The following RRP15 variants were observed in gnomAD, a reference collection of about 807,000 sequenced individuals.
RRP15 encodes ribosomal RNA processing 15 homolog, also known as RRP15-like protein.
Under a neutral mutation model 27.1 loss-of-function variants are expected in RRP15, and 18 were observed. The ratio of observed to expected loss-of-function variants is 0.66; its 90% CI spans 0.46 to 0.98. The LOEUF is 0.98. Ranked by LOEUF, RRP15 falls within the 50% of genes least tolerant of loss-of-function variation. The pLI is 0.00. For missense variants in RRP15, 359 were observed against 337.8 expected (o/e 1.06, Z -0.49); for synonymous variants, 107 against 109.4 (o/e 0.98, Z 0.14).
rs2102522018 is a variant in RRP15 at position 218,337,290 on chromosome 1, T to G, written c.*6199T>G. ...GATAGAATTCCCCCCAACAAAAATT[T>G]AAAGTCTAACAGGTGGTAGGTGCTT... On this transcript the variant is annotated 3_prime_UTR_variant, in exon 5 of 5. Coordinates refer to ENST00000366932, the MANE Select transcript of RRP15 (RefSeq NM_016052.4). 6.6e-6 allele frequency: 1 copy of G among 152,288 alleles called. No individual in the cohort carries two copies. Among genetic ancestry groups the G allele is most frequent in the South Asian group, 2.1e-4 (1 of 4,828 alleles). 9.4% of individuals were successfully genotyped at this position (152,288 alleles called of 1,614,324 possible). A position where few individuals can be genotyped will look rare whatever the true frequency, so the allele number is the denominator to read the frequency against.
intron 4 of RRP15, among the ~76,000 whole-genome samples, chr1:218,321,637 T>C (rs548369637): frequency 3.2e-4 from 48 of 152,290 alleles, no homozygotes; most frequent in African/African-American, 1.1e-3. Context: ...CAATGGCTTA[T>C]CTAAGATTCA....
intron 3 of RRP15, among the ~76,000 whole-genome samples, chr1:218,306,666 T>C (rs1014099799): frequency 2.0e-5 from 3 of 152,180 alleles, no homozygotes; most frequent in East Asian, 3.9e-4. Context: ...CCAGGAGAAA[T>C]GAATGTGAGC....
In RRP15 at chr1:218,334,364, A is replaced by C. The variant is rs1328099281; in HGVS notation, c.*3273A>C. ...GGTTCTCAAAGGTCTATTTGAAGGC[A>C]ATCCAATTTCTTTAAAATAAAATAT... On this transcript the variant is annotated 3_prime_UTR_variant, in exon 5 of 5. Transcript: ENST00000366932. 2.0e-5 allele frequency: 3 copies of C among 152,226 alleles called. No individual in the cohort carries two copies. The highest frequency in any genetic ancestry group is 4.4e-5 in the Non-Finnish European group (3 of 68,032). The allele number at this position is 152,226 out of a possible 1,614,324, so 9.4% of individuals were successfully genotyped here.
intron 4 of RRP15, among the ~76,000 whole-genome samples, chr1:218,327,305 A>G (rs765078945): frequency 1.3e-5 from 2 of 152,072 alleles, no homozygotes; most frequent in African/African-American, 2.4e-5. Flanking sequence ...TGCCTTTAAA[A>G]CAAGGTTTTC....
chr1:218,314,922 A>T (rs1478947824), intron 4 of RRP15, among the ~76,000 whole-genome samples: 1 of 147,552 alleles, frequency 6.8e-6, no homozygotes, highest in Non-Finnish European at 1.5e-5. Context: ...AACCTGGGAG[A>T]TGGAGGTAGC....
At position 218,301,951 on chromosome 1, in the gene RRP15, G is replaced by A. The variant is rs150061380; in HGVS notation, c.140-343G>A. The A allele has an allele frequency of 1.1e-3, 239 of 214,516 alleles. 1 individual carries two copies. Among genetic ancestry groups the A allele is most frequent in the African/African-American group, 4.8e-3 (210 of 43,684 alleles). 13.3% of individuals were successfully genotyped at this position (214,516 alleles called of 1,614,324 possible). A position where few individuals can be genotyped will look rare whatever the true frequency, so the allele number is the denominator to read the frequency against. On this transcript the variant is annotated intron_variant, in intron 1 of 4. Transcript: ENST00000366932. ...GTTTAGTGACACAATTAAGGTTTGT[G>A]TACTTGAATATACCTTGCACCAACT...
rs1057022863 is a variant in RRP15, at chr1:218,327,550, C to T, written c.706-3398C>T. Reference sequence around the variant, plus strand: ...AACTCCTGACCTCAAGTGATCTGCCCGCCTCAGCCTCCCAAACTCCTGGGA... The same window carrying T: ...AACTCCTGACCTCAAGTGATCTGCCTGCCTCAGCCTCCCAAACTCCTGGGA... On this transcript the variant is annotated intron_variant, in intron 4 of 4. Coordinates refer to ENST00000366932, the MANE Select transcript of RRP15 (RefSeq NM_016052.4). Among the ~76,000 whole-genome samples, 7 of 152,244 alleles carry T rather than the reference C, an allele frequency of 4.6e-5. No individual in the cohort carries two copies. In the South Asian group the frequency reaches 6.2e-4, roughly 14 times the overall value.
At chr1:218,310,882 G>A (rs1007030442) in intron 4 of RRP15, among the ~76,000 whole-genome samples, 19 of 151,974 alleles carry the variant, frequency 1.3e-4, no homozygotes, top group African/African-American at 4.3e-4. Context: ...CCGAGTAGCT[G>A]GGATTACAGG....
intron 4 of RRP15, among the ~76,000 whole-genome samples, chr1:218,308,058 C>CTT (rs1655928833): frequency 6.1e-5 from 4 of 65,472 alleles, no homozygotes; most frequent in African/African-American, 1.6e-4. Flanking sequence ...TAGTTTCTTT[C>CTT]TTTCTTTTTT....
At chr1:218,323,798 C>T (rs985647907) in intron 4 of RRP15, among the ~76,000 whole-genome samples, 1 of 152,198 alleles carries the variant, frequency 6.6e-6, no homozygotes, top group Non-Finnish European at 1.5e-5. Context: ...GCGCTGCCCC[C>T]AGTGTGCGTA....
At chr1:218,306,842 A>T (rs1477619745) in intron 3 of RRP15, among the ~76,000 whole-genome samples, 1 of 152,182 alleles carries the variant, frequency 6.6e-6, no homozygotes, top group African/African-American at 2.4e-5. Flanking sequence ...ATATTTAAGG[A>T]TTCTATTTTT....
intron 1 of RRP15, among the ~76,000 whole-genome samples, chr1:218,289,665 T>C (rs1256354047): frequency 2.6e-5 from 4 of 152,204 alleles, no homozygotes; most frequent in Non-Finnish European, 5.9e-5. Flanking sequence ...GCCACTACTT[T>C]AGTTCTTGCC....
At chr1:218,311,342 TTACACTAGATTGAA>T (rs1655993248) in intron 4 of RRP15, among the ~76,000 whole-genome samples, 2 of 152,320 alleles carry the variant, frequency 1.3e-5, no homozygotes, top group South Asian at 4.1e-4. Flanking sequence ...TTAAAATTTC[TTACACTAGATTGAA>T]TACTAGTATT....
Position 218,336,915 on chromosome 1 carries a change from G to C in RRP15, c.*5824G>C, listed in dbSNP as rs1656458653. 6.6e-6 allele frequency: 1 copy of C among 152,132 alleles called. No individual in the cohort carries two copies. The highest frequency in any genetic ancestry group is 2.4e-5 in the African/African-American group (1 of 41,432). The allele number at this position is 152,132 out of a possible 1,614,324, so 9.4% of individuals were successfully genotyped here. A position where few individuals can be genotyped will look rare whatever the true frequency, so the allele number is the denominator to read the frequency against. On this transcript the variant is annotated 3_prime_UTR_variant, in exon 5 of 5. Coordinates refer to ENST00000366932, the MANE Select transcript of RRP15 (RefSeq NM_016052.4). ...AATATACTCCTTAATAACCAGTAAA[G>C]TTATATTTACACTGGACATTTTAAG...
rs184369327 is a variant in RRP15, at chr1:218,314,289, C to G, written c.705+6657C>G. Among the ~76,000 whole-genome samples, 238 of 152,276 alleles carry G rather than the reference C, an allele frequency of 1.6e-3. 2 individuals carry two copies. Among genetic ancestry groups the G allele is most frequent in the Non-Finnish European group, 2.4e-4 (16 of 68,032 alleles). On this transcript the variant is annotated intron_variant, in intron 4 of 4. Transcript: ENST00000366932. ...TTAAAGGATTAATACCTCTGTTCCTCTATTCAAAACATGTTCTTATCTAGA... is the reference window on the plus strand; with the variant it reads ...TTAAAGGATTAATACCTCTGTTCCTGTATTCAAAACATGTTCTTATCTAGA...
chr1:218,287,233 G>T (rs774522781), intron 1 of RRP15, among the ~76,000 whole-genome samples: 1 of 148,518 alleles, frequency 6.7e-6, no homozygotes, highest in Non-Finnish European at 1.5e-5. Context: ...CACCCGTCTC[G>T]GCCTCCCAAA....
chr1:218,320,585 A>C (rs1283373140), intron 4 of RRP15, among the ~76,000 whole-genome samples: 1 of 152,188 alleles, frequency 6.6e-6, no homozygotes, highest in Non-Finnish European at 1.5e-5. Context: ...AAGATGTATA[A>C]TAATAGAAAC....
intron 3 of RRP15, among the ~76,000 whole-genome samples, chr1:218,305,639 G>A (rs1655887653): frequency 6.6e-6 from 1 of 152,220 alleles, no homozygotes; most frequent in African/African-American, 2.4e-5. Context: ...TTTGAGAGTA[G>A]AATTATGTCT....
At chr1:218,312,934 T>C (rs1215911343) in intron 4 of RRP15, among the ~76,000 whole-genome samples, 1 of 152,216 alleles carries the variant, frequency 6.6e-6, no homozygotes, top group Admixed American at 6.5e-5. Flanking sequence ...AAAGGGATTC[T>C]GAGGAAGTAG....
Sources: gnomAD v4.1 joint callset for allele counts (sites outside exome capture counted in the v4.1 genomes callset) on GRCh38, gnomAD v4.1.1 for gene constraint, MANE v1.5 for transcripts, NCBI Gene and HGNC (gene_info 2026-07-23, HGNC 2026-07-21) for gene names.